BIN2: variants seen among roughly 807,000 people sequenced by gnomAD.
BIN2 encodes breast cancer associated protein BRAP1.
In BIN2, 43 loss-of-function variants were observed where a neutral mutation model predicts 67.9. The ratio of observed to expected loss-of-function variants is 0.63; its 90% CI spans 0.50 to 0.82. BIN2 has a LOEUF of 0.82. Among genes scored for constraint, BIN2 ranks in the 40% least tolerant of loss-of-function variants. The pLI is 0.00. For missense variants in BIN2, 581 were observed against 671.6 expected (o/e 0.87, Z 1.49); for synonymous variants, 244 against 246.8 (o/e 0.99, Z 0.11).
At chr12:51,301,049 C>T (rs994863201) in intron 5 of BIN2, among the ~76,000 whole-genome samples, 7 of 152,104 alleles carry the variant, frequency 4.6e-5, no homozygotes, top group Non-Finnish European at 1.0e-4. Flanking sequence ...GAAACCCTGT[C>T]TCCACTAAAA....
At chr12:51,320,819 A>T (rs1946251543) in intron 1 of BIN2, among the ~76,000 whole-genome samples, 1 of 152,002 alleles carries the variant, frequency 6.6e-6, no homozygotes, top group Admixed American at 6.6e-5. Context: ...AGACCAACAA[A>T]GGAGTGGTAA....
At chr12:51,311,854 TTCCGCC>T (rs918227962) in intron 2 of BIN2, among the ~76,000 whole-genome samples, 3 of 151,894 alleles carry the variant, frequency 2.0e-5, no homozygotes, top group Non-Finnish European at 4.4e-5. Flanking sequence ...TCACTGCAAC[TTCCGCC>T]TCCCAGGTTC....
Position 51,291,716 on chromosome 12 carries a change from C to G in BIN2, c.1390G>C (p.Glu464Gln), listed in dbSNP as rs765439771. The G allele has an allele frequency of 6.2e-6, 10 of 1,613,636 alleles. No individual in the cohort carries two copies. The highest frequency in any genetic ancestry group is 8.5e-6 in the Non-Finnish European group (10 of 1,179,740). Residue 464 changes from glutamate (E) to glutamine (Q), a missense_variant, in exon 10 of 13, where the codon GAG becomes CAG. Physicochemically the swap from Glu to Gln is conservative, Grantham distance 29. Transcript: ENST00000615107. Reference protein sequence around the residue: ...TGTASPRTSLEVSPNPEPPEK... With the variant: ...TGTASPRTSLQVSPNPEPPEK... ...GGTGGTTCTGGATTAGGAGAGACCT[C>G]TAGGGAGGTCCTAGGACTTGCAGTC... is the stretch of plus-strand genomic sequence containing the variant.
At chr12:51,284,377 TA>T (rs1257597645) in intron 12 of BIN2, among the ~76,000 whole-genome samples, 1 of 152,192 alleles carries the variant, frequency 6.6e-6, no homozygotes, top group Non-Finnish European at 1.5e-5. Flanking sequence ...TCTCAGAGCA[TA>T]TCCTTGTTGT....
intron 1 of BIN2, among the ~76,000 whole-genome samples, chr12:51,320,934 A>ACACACACACACACACACACAC (rs1565693311): frequency 5.1e-5 from 2 of 39,082 alleles, no homozygotes; most frequent in Admixed American, 2.6e-4. Flanking sequence ...TATCATACTA[A>ACACACACACACACACACACAC]AAACACACAC....
At chr12:51,322,291 A>G (rs1437553526) in intron 1 of BIN2, among the ~76,000 whole-genome samples, 1 of 152,260 alleles carries the variant, frequency 6.6e-6, no homozygotes, top group Non-Finnish European at 1.5e-5. Context: ...GTCTATGCTT[A>G]CAAAGGAGTG....
At chr12:51,310,692 G>T (rs1371808145) in intron 2 of BIN2, among the ~76,000 whole-genome samples, 2 of 152,174 alleles carry the variant, frequency 1.3e-5, no homozygotes, top group African/African-American at 4.8e-5. Flanking sequence ...CAAAGTAATT[G>T]TAAAGATATA....
chr12:51,297,545 C>A (rs934934812), intron 7 of BIN2, among the ~76,000 whole-genome samples: 2 of 151,894 alleles, frequency 1.3e-5, no homozygotes, highest in Non-Finnish European at 2.9e-5. Context: ...CCAGCCTGGG[C>A]GACAGAGCGA....
chr12:51,299,056 C>T lies in BIN2; in HGVS notation c.602+147G>A, dbSNP rs531959306. On this transcript the variant is annotated intron_variant, in intron 7 of 12. Coordinates refer to ENST00000615107, the MANE Select transcript of BIN2 (RefSeq NM_016293.4). ...TGCTACTGCACTCTAGCCTGGGTGA[C>T]AGAGTGAGACCCTGTCTCGAAAAAA... is the stretch of plus-strand genomic sequence containing the variant. 86 of 594,604 alleles carry T rather than the reference C, an allele frequency of 1.4e-4. 1 individual carries two copies. In the South Asian group the frequency reaches 1.5e-3, roughly 11 times the overall value. 36.8% of individuals were successfully genotyped at this position (594,604 alleles called of 1,614,324 possible). A position where few individuals can be genotyped will look rare whatever the true frequency, so the allele number is the denominator to read the frequency against.
At chr12:51,320,635 T>C (rs964793068) in intron 1 of BIN2, among the ~76,000 whole-genome samples, 2 of 60,250 alleles carry the variant, frequency 3.3e-5, no homozygotes, top group Non-Finnish European at 3.1e-5. Flanking sequence ...ATCATTATTC[T>C]TTTTTTTTTT....
At chr12:51,303,657 G>A (rs955215058) in intron 2 of BIN2, among the ~76,000 whole-genome samples, 1 of 151,972 alleles carries the variant, frequency 6.6e-6, no homozygotes, top group Admixed American at 6.6e-5. Flanking sequence ...GTTCCACCCC[G>A]AATGTCTTCA....
chr12:51,299,395 C>A (rs2137389144), intron 6 of BIN2, 107 bp from the exon 7 acceptor site: 1 of 1,133,684 alleles, frequency 8.8e-7, no homozygotes, highest in Non-Finnish European at 1.3e-6. Context: ...TTTTAGGAGC[C>A]ATCCCTCTTC....
intron 11 of BIN2, among the ~76,000 whole-genome samples, chr12:51,287,067 C>T (rs1184309315): frequency 2.6e-5 from 4 of 152,026 alleles, no homozygotes; most frequent in Non-Finnish European, 5.9e-5. Flanking sequence ...AGTGATCCAC[C>T]TGCCTCAGCC....
chr12:51,281,648 T>C, intron 12 of BIN2, 120 bp from the exon 13 acceptor site: 1 of 987,744 alleles, frequency 1.0e-6, no homozygotes, highest in Non-Finnish European at 1.6e-6. Flanking sequence ...CTGGCCTCTC[T>C]TGAGGGAGGC....
chr12:51,322,969 T>A (rs1946325006), intron 1 of BIN2: 1 of 152,194 alleles, frequency 6.6e-6, no homozygotes. Context: ...AAAGCAGTGC[T>A]CCACTTTTAG....
At chr12:51,320,934 A>ACACACACACACACACACACACAC (rs1565693311) in intron 1 of BIN2, among the ~76,000 whole-genome samples, 2 of 39,082 alleles carry the variant, frequency 5.1e-5, no homozygotes, top group Non-Finnish European at 1.2e-4. Flanking sequence ...TATCATACTA[A>ACACACACACACACACACACACAC]AAACACACAC....
At chr12:51,308,125 T>A (rs1945916684) in intron 2 of BIN2, among the ~76,000 whole-genome samples, 1 of 152,060 alleles carries the variant, frequency 6.6e-6, no homozygotes, top group African/African-American at 2.4e-5. Flanking sequence ...CCCTGGAATA[T>A]ATCCAGGCTG....
intron 2 of BIN2, 59 bp from the exon 3 acceptor site, chr12:51,303,200 G>C (rs1945778044): frequency 6.4e-7 from 1 of 1,556,528 alleles, no homozygotes; most frequent in African/African-American, 1.4e-5. Flanking sequence ...AGATGCTCCA[G>C]AGGTCAAAGT....
chr12:51,291,814 C>T lies in BIN2; in HGVS notation c.1292G>A (p.Gly431Glu), dbSNP rs1945388534. The T allele has an allele frequency of 6.2e-7, 1 of 1,613,828 alleles. No individual in the cohort carries two copies. Among genetic ancestry groups the T allele is most frequent in the Non-Finnish European group, 8.5e-7 (1 of 1,179,976 alleles). Residue 431 changes from glycine to glutamate, a missense_variant, in exon 10 of 13, where the codon GGG becomes GAG. Coordinates refer to ENST00000615107, the MANE Select transcript of BIN2 (RefSeq NM_016293.4). ...RATASPRPSS[G>E]NIPSSPTASG... ...GGCTGTAGGGCTGGAAGGTATGTTC[C>T]CTGAGGAGGGCCTGGGGCTTGCAGT...
Sources: gnomAD v4.1 joint callset for allele counts (sites outside exome capture counted in the v4.1 genomes callset) on GRCh38, gnomAD v4.1.1 for gene constraint, MANE v1.5 for transcripts, NCBI Gene and HGNC (gene_info 2026-07-23, HGNC 2026-07-21) for gene names.